ZRANB1: variants seen among roughly 807,000 people sequenced by gnomAD.
ZRANB1 encodes the protein zinc finger RANBP2-type containing 1.
A neutral mutation model predicts 80.5 loss-of-function variants in ZRANB1; 16 were observed. That is an observed-to-expected ratio of 0.20 (90% CI 0.13 to 0.30). The LOEUF (loss-of-function observed/expected upper bound fraction) is 0.30. Ranked by LOEUF, ZRANB1 falls within the 10% of genes least tolerant of loss-of-function variation. The pLI is 1.00. For synonymous variants in ZRANB1, 291 were observed against 293.1 expected (o/e 0.99, Z 0.07); for missense variants, 576 against 862.6 (o/e 0.67, Z 4.16).
chr10:124,926,560 T>C, the ZRANB1 span, among the ~76,000 whole-genome samples: 2 of 152,214 alleles, frequency 1.3e-5, no homozygotes, highest in East Asian at 1.9e-4. Flanking sequence ...AGAGCTATCA[T>C]CTGTGATAAC....
At chr10:124,970,165 G>A (rs1336454786) in intron 2 of ZRANB1, among the ~76,000 whole-genome samples, 1 of 152,196 alleles carries the variant, frequency 6.6e-6, no homozygotes, top group Non-Finnish European at 1.5e-5. Flanking sequence ...TAATGGTTGG[G>A]CTCATGGAGT....
intron 1 of ZRANB1, 45 bp downstream of exon 1, chr10:124,943,352 T>C: frequency 6.4e-7 from 1 of 1,553,874 alleles, no homozygotes; most frequent in South Asian, 1.2e-5. Context: ...TGGGAAAAGG[T>C]AGTAAAAATG....
chr10:124,962,075 T>A (rs1951738464), intron 1 of ZRANB1, among the ~76,000 whole-genome samples: 2 of 152,162 alleles, frequency 1.3e-5, no homozygotes, highest in African/African-American at 2.4e-5. Flanking sequence ...TTTGAAAGAG[T>A]TTGCTGTGAA....
upstream of ZRANB1, among the ~76,000 whole-genome samples, chr10:124,941,920 A>C (rs1017090922): frequency 6.6e-6 from 1 of 152,212 alleles, no homozygotes; most frequent in Admixed American, 6.5e-5. Context: ...TGTGCTAATT[A>C]AGAACAGTGG....
At chr10:124,951,586 G>T (rs190497313) in intron 1 of ZRANB1, among the ~76,000 whole-genome samples, 15 of 152,182 alleles carry the variant, frequency 9.9e-5, no homozygotes, top group East Asian at 7.7e-4. Context: ...TTACTCCTTA[G>T]CTTTAAAAAT....
the ZRANB1 span, among the ~76,000 whole-genome samples, chr10:124,925,068 T>G: frequency 6.6e-6 from 1 of 152,012 alleles, no homozygotes; most frequent in Non-Finnish European, 1.5e-5. Flanking sequence ...CCACCATGCC[T>G]GGCTAATTTT....
At chr10:124,958,510 G>T (rs929855975) in intron 1 of ZRANB1, among the ~76,000 whole-genome samples, 55 of 152,176 alleles carry the variant, frequency 3.6e-4, no homozygotes, top group African/African-American at 1.3e-3. Context: ...CCTAGAGGAA[G>T]TCTGTCAGAT....
chr10:124,955,754 A>C (rs1267769489), intron 1 of ZRANB1, among the ~76,000 whole-genome samples: 2 of 152,168 alleles, frequency 1.3e-5, no homozygotes, highest in African/African-American at 4.8e-5. Context: ...ATAACATTTT[A>C]TGTCATGATT....
intron 2 of ZRANB1, among the ~76,000 whole-genome samples, chr10:124,970,354 T>A (rs1026746053): frequency 6.6e-6 from 1 of 152,186 alleles, no homozygotes; most frequent in Non-Finnish European, 1.5e-5. Flanking sequence ...CCTCCCTGGC[T>A]CAAGTGATCC....
At position 124,987,255 on chromosome 10, in the gene ZRANB1, ACT is replaced by A. The variant is rs1281267369; in HGVS notation, c.*2266_*2267del. On this transcript the variant is annotated 3_prime_UTR_variant, in exon 9 of 9. Transcript: ENST00000359653. ...GCTAGGTGACAGACATTAATGACTG[ACT>A]CTGGAGAGTAAGTCATACCTGCACT... 6.6e-6 allele frequency: 1 copy of A among 152,478 alleles called. No individual in the cohort carries two copies. Among genetic ancestry groups the A allele is most frequent in the African/African-American group, 2.4e-5 (1 of 41,390 alleles). The allele number at this position is 152,478 out of a possible 1,614,324, so 9.4% of individuals were successfully genotyped here. A position where few individuals can be genotyped will look rare whatever the true frequency, so the allele number is the denominator to read the frequency against.
At chr10:124,945,606 A>AC (rs964597132) in intron 1 of ZRANB1, 4 of 151,714 alleles carry the variant, frequency 2.6e-5, no homozygotes, top group African/African-American at 9.7e-5. Context: ...CTTCATTTCA[A>AC]CCCCCGGTTG....
chr10:124,941,560 C>T (rs7923644), upstream of ZRANB1, among the ~76,000 whole-genome samples: 5,685 of 152,166 alleles, frequency 0.037, 330 homozygotes, highest in African/African-American at 0.13. Flanking sequence ...CCATCTTGGC[C>T]AGGCTGGTCT....
At chr10:124,916,977 C>T in the ZRANB1 span, among the ~76,000 whole-genome samples, 4 of 151,980 alleles carry the variant, frequency 2.6e-5, no homozygotes, top group African/African-American at 9.7e-5. Context: ...CCCCGCCCCC[C>T]GGGGCTCCCC....
At chr10:124,934,875 A>G in the ZRANB1 span, among the ~76,000 whole-genome samples, 1 of 152,214 alleles carries the variant, frequency 6.6e-6, no homozygotes, top group Non-Finnish European at 1.5e-5. Context: ...TGGCTCTTTA[A>G]TTCAGAAAGA....
chr10:124,926,676 T>C, the ZRANB1 span, among the ~76,000 whole-genome samples: 1 of 152,152 alleles, frequency 6.6e-6, no homozygotes. Flanking sequence ...CAATAAAAAG[T>C]ATAGTAAACA....
At chr10:124,955,656 A>G (rs903037225) in intron 1 of ZRANB1, among the ~76,000 whole-genome samples, 1 of 152,234 alleles carries the variant, frequency 6.6e-6, no homozygotes, top group Non-Finnish European at 1.5e-5. Context: ...TATTTTTAGC[A>G]ACATGAAATA....
intron 1 of ZRANB1, among the ~76,000 whole-genome samples, chr10:124,958,823 T>G (rs1951707054): frequency 6.6e-6 from 1 of 152,208 alleles, no homozygotes; most frequent in Admixed American, 6.5e-5. Context: ...TTTTGTTCAC[T>G]TTCGTTCACT....
the ZRANB1 span, among the ~76,000 whole-genome samples, chr10:124,924,615 C>G: frequency 6.6e-6 from 1 of 151,896 alleles, no homozygotes; most frequent in Non-Finnish European, 1.5e-5. Flanking sequence ...ATAATACTTC[C>G]AAGGTTTATG....
chr10:124,974,968 A>C (rs1951863355), intron 5 of ZRANB1, among the ~76,000 whole-genome samples: 1 of 152,040 alleles, frequency 6.6e-6, no homozygotes, highest in Non-Finnish European at 1.5e-5. Context: ...TGGCTGTTTT[A>C]TGTATTTTTG....
Sources: gnomAD v4.1 joint callset for allele counts (sites outside exome capture counted in the v4.1 genomes callset) on GRCh38, gnomAD v4.1.1 for gene constraint, MANE v1.5 for transcripts, NCBI Gene and HGNC (gene_info 2026-07-23, HGNC 2026-07-21) for gene names.